SLCO1C1: variants seen among roughly 807,000 people sequenced by gnomAD.
The protein encoded by SLCO1C1 is solute carrier organic anion transporter family member 1C1.
A neutral mutation model predicts 76.4 loss-of-function variants in SLCO1C1; 70 were observed. The observed-to-expected ratio is 0.92, with a 90% CI of 0.76 to 1.12. The LOEUF (loss-of-function observed/expected upper bound fraction) is 1.12, where lower values mean the gene tolerates loss of function less well. Ranked by LOEUF, SLCO1C1 falls within the 50% of genes most tolerant of loss-of-function variation. The pLI, the probability that SLCO1C1 is intolerant of heterozygous loss-of-function variation, is 0.00. For synonymous variants in SLCO1C1, 306 were observed against 286.1 expected (o/e 1.07, Z -0.70); for missense variants, 912 against 823.8 (o/e 1.11, Z -1.31).
At chr12:20,737,749 T>C (rs1429582059) in intron 11 of SLCO1C1, among the ~76,000 whole-genome samples, 1 of 151,956 alleles carries the variant, frequency 6.6e-6, no homozygotes, top group Admixed American at 6.6e-5. Context: ...TAGGACAACT[T>C]TGGAAAATCA....
intron 4 of SLCO1C1, among the ~76,000 whole-genome samples, chr12:20,709,412 A>T (rs1017664713): frequency 6.6e-6 from 1 of 152,204 alleles, no homozygotes; most frequent in Non-Finnish European, 1.5e-5. Flanking sequence ...TAACCTGTTG[A>T]CAGAAGGAAC....
chr12:20,699,644 C>G lies in SLCO1C1; in HGVS notation c.68C>G (p.Pro23Arg). 6.2e-7 allele frequency: 1 copy of G among 1,612,470 alleles called. No homozygotes were observed. The highest frequency in any genetic ancestry group is 8.5e-7 in the Non-Finnish European group (1 of 1,179,158). ...CKTSVQPVGR[P>R]SFKTEYPSSE... is the part of the protein sequence containing the mutation. ...ACTTCAGTGCAACCTGTTGGAAGGC[C>G]TTCTTTTAAAACAGAATATCCCTCC... The change falls in exon 2 of 15, where the codon CCT (proline) becomes CGT (arginine). Residue 23 changes from proline to arginine, a missense_variant. By Grantham distance (103) the Pro-to-Arg change is moderately radical. Coordinates refer to ENST00000266509, the MANE Select transcript of SLCO1C1 (RefSeq NM_017435.5).
chr12:20,710,964 G>T (rs528682685), intron 4 of SLCO1C1, among the ~76,000 whole-genome samples: 1 of 152,100 alleles, frequency 6.6e-6, no homozygotes, highest in Admixed American at 6.5e-5. Flanking sequence ...GCCCAGGTAC[G>T]TGTAAAGCAG....
At chr12:20,711,258 T>C in intron 4 of SLCO1C1, 128 bp from the exon 5 acceptor site, 1 of 1,047,334 alleles carries the variant, frequency 9.5e-7, no homozygotes, top group Non-Finnish European at 1.4e-6. Flanking sequence ...CTGGCTTGAT[T>C]TGGTGAATTA....
intron 3 of SLCO1C1, 106 bp from the exon 4 acceptor site, chr12:20,705,843 A>T: frequency 9.1e-7 from 1 of 1,093,170 alleles, no homozygotes; most frequent in Non-Finnish European, 1.3e-6. Context: ...GAGATGGCTT[A>T]GTTAAAAGAA....
At chr12:20,750,384 C>T (rs1949242294) in intron 13 of SLCO1C1, among the ~76,000 whole-genome samples, 1 of 152,132 alleles carries the variant, frequency 6.6e-6, no homozygotes. Context: ...AATGACTGGG[C>T]TTCCACTGAT....
chr12:20,744,256 G>A (rs1197311507), intron 13 of SLCO1C1, among the ~76,000 whole-genome samples: 1 of 151,998 alleles, frequency 6.6e-6, no homozygotes, highest in African/African-American at 2.4e-5. Context: ...GCAAGAATTG[G>A]CCCCCATATC....
intron 13 of SLCO1C1, 40 bp from the exon 14 acceptor site, chr12:20,750,635 T>G (rs1422759434): frequency 6.4e-6 from 10 of 1,557,064 alleles, no homozygotes; most frequent in Admixed American, 1.7e-5. Flanking sequence ...CAAAAAGATG[T>G]GCATATGTTT....
chr12:20,720,092 T>C (rs902670913), intron 7 of SLCO1C1, among the ~76,000 whole-genome samples: 4 of 152,230 alleles, frequency 2.6e-5, no homozygotes, highest in Admixed American at 6.5e-5. Context: ...GCTCTTCCTG[T>C]GCTCTCTAAC....
rs143167597 is a variant in SLCO1C1, at chr12:20,712,681, C to T, written c.529+1171C>T. Among the ~76,000 whole-genome samples, 818 of 152,286 alleles carry T rather than the reference C, an allele frequency of 5.4e-3. 4 individuals are homozygous for T. The highest frequency in any genetic ancestry group is 9.9e-3 in the Non-Finnish European group (674 of 68,024). On this transcript the variant is annotated intron_variant, in intron 5 of 14. Coordinates refer to ENST00000266509, the MANE Select transcript of SLCO1C1 (RefSeq NM_017435.5). Reference sequence around the variant, plus strand: ...CAAATCTCTTATCTATTCCACAAGACCTTTTCACTCCTCTAATATTCTCAT... The same window carrying T: ...CAAATCTCTTATCTATTCCACAAGATCTTTTCACTCCTCTAATATTCTCAT...
intron 12 of SLCO1C1, among the ~76,000 whole-genome samples, chr12:20,741,028 C>G (rs1163479530): frequency 6.6e-6 from 1 of 151,620 alleles, no homozygotes; most frequent in Non-Finnish European, 1.5e-5. Context: ...CTTCAGGAAA[C>G]TTAAAATAGT....
At chr12:20,717,692 T>TTTTTTTTTTC (rs1947447734) in intron 7 of SLCO1C1, among the ~76,000 whole-genome samples, 1 of 117,162 alleles carries the variant, frequency 8.5e-6, no homozygotes, top group Non-Finnish European at 1.8e-5. Flanking sequence ...TTTTTTTTTT[T>TTTTTTTTTTC]ACTCTGCAAG....
intron 13 of SLCO1C1, among the ~76,000 whole-genome samples, chr12:20,745,623 G>C (rs1397706213): frequency 6.6e-6 from 1 of 151,992 alleles, no homozygotes; most frequent in Non-Finnish European, 1.5e-5. Context: ...TCAGGAGTCC[G>C]AGACCAGCCT....
chr12:20,700,387 G>A (rs1241582216), intron 2 of SLCO1C1: 2 of 151,180 alleles, frequency 1.3e-5, no homozygotes, highest in Admixed American at 1.3e-4. Context: ...TAGATTATTT[G>A]CCCATTGTTA....
intron 13 of SLCO1C1, among the ~76,000 whole-genome samples, chr12:20,743,876 T>A (rs987080326): frequency 3.7e-5 from 2 of 53,868 alleles, no homozygotes; most frequent in Non-Finnish European, 7.2e-5. Flanking sequence ...AATTGAAATG[T>A]TTTTTCTGAC....
intron 6 of SLCO1C1, 43 bp from the exon 7 acceptor site, chr12:20,717,089 G>A (rs1195359022): frequency 1.3e-6 from 2 of 1,520,744 alleles, no homozygotes; most frequent in East Asian, 2.3e-5. Context: ...TCAAAGTAAA[G>A]AAATGACAGC....
At chr12:20,713,083 C>T (rs868723421) in intron 5 of SLCO1C1, among the ~76,000 whole-genome samples, 28 of 142,588 alleles carry the variant, frequency 2.0e-4, no homozygotes, top group East Asian at 4.2e-4. Flanking sequence ...AAGATGTTTT[C>T]TTTTTTTTTT....
intron 5 of SLCO1C1, among the ~76,000 whole-genome samples, chr12:20,712,051 C>A (rs879902566): frequency 6.6e-6 from 1 of 152,136 alleles, no homozygotes; most frequent in Non-Finnish European, 1.5e-5. Flanking sequence ...ATATCTAAAA[C>A]CCCCGTGGTC....
Position 20,701,374 on chromosome 12 carries a change from T to C in SLCO1C1, c.186T>C (p.Tyr62=). The C allele has an allele frequency of 6.4e-7, 1 of 1,554,320 alleles. No individual in the cohort carries two copies. Among genetic ancestry groups the C allele is most frequent in the Non-Finnish European group, 8.8e-7 (1 of 1,137,566 alleles). ...TTGCCAAAGCATTGGCAGAAGGCTATCTGAAGAGCACCATCACTCAGATAG... is the reference window on the plus strand; with the variant it reads ...TTGCCAAAGCATTGGCAGAAGGCTACCTGAAGAGCACCATCACTCAGATAG... ...VYFAKALAEG[Y]LKSTITQIER... is the part of the protein sequence containing the mutation. Residue 62 remains tyrosine (Y), a synonymous_variant, in exon 3 of 15, where the codon TAT becomes TAC. Transcript: ENST00000266509.
Sources: allele counts gnomAD v4.1 joint callset (sites outside exome capture counted in the v4.1 genomes callset), GRCh38; gene constraint gnomAD v4.1.1; transcripts MANE v1.5; gene names NCBI Gene and HGNC (gene_info 2026-07-23, HGNC 2026-07-21).